Variants in ROBO2 observed in about 807,000 individuals in gnomAD.
The protein encoded by ROBO2 is roundabout guidance receptor 2, also known as roundabout homolog 2.
Under a neutral mutation model 160.8 loss-of-function variants are expected in ROBO2, and 53 were observed. The ratio of observed to expected loss-of-function variants is 0.33; its 90% CI spans 0.26 to 0.41. The LOEUF is 0.41. ROBO2 is among the 10% of genes least tolerant of loss of function. The pLI, the probability that ROBO2 is intolerant of heterozygous loss-of-function variation, is 1.00. For missense variants in ROBO2, 1,577 were observed against 1,722.4 expected, an observed-to-expected ratio of 0.92 and a Z score of 1.49; for synonymous variants, 664 against 611.7, an observed-to-expected ratio of 1.09 and a Z score of -1.26.
At chr3:76,040,541 A>G (rs1031954237) in intron 2 of ROBO2, among the ~76,000 whole-genome samples, 1 of 152,096 alleles carries the variant, frequency 6.6e-6, no homozygotes, top group Non-Finnish European at 1.5e-5. Flanking sequence ...TCTACAAACA[A>G]AATTTCCCTG....
intron 2 of ROBO2, among the ~76,000 whole-genome samples, chr3:77,249,358 T>C (rs1311471393): frequency 6.6e-6 from 1 of 152,202 alleles, no homozygotes; most frequent in Admixed American, 6.5e-5. Flanking sequence ...AGATAAATAA[T>C]CAAATATTCA....
At chr3:76,561,849 C>G (rs1274900028) in intron 2 of ROBO2, among the ~76,000 whole-genome samples, 1 of 152,174 alleles carries the variant, frequency 6.6e-6, no homozygotes, top group Admixed American at 6.6e-5. Context: ...TTTCTCCGTG[C>G]TATTCATCCA....
chr3:76,588,468 T>C (rs2086201430), intron 2 of ROBO2, among the ~76,000 whole-genome samples: 1 of 152,218 alleles, frequency 6.6e-6, no homozygotes, highest in East Asian at 1.9e-4. Flanking sequence ...TAGCTGATTA[T>C]ATATTTATTT....
intron 14 of ROBO2, among the ~76,000 whole-genome samples, chr3:77,574,985 T>C (rs75081635): frequency 0.027 from 4,089 of 152,254 alleles, 125 homozygotes; most frequent in East Asian, 0.13. Context: ...ATTGGATTAT[T>C]AAATATTCCC....
chr3:76,750,817 C>T (rs1158590396), intron 2 of ROBO2, among the ~76,000 whole-genome samples: 3 of 152,106 alleles, frequency 2.0e-5, no homozygotes, highest in South Asian at 2.1e-4. Context: ...AATGGAAGAA[C>T]ATTCCATGCT....
chr3:77,071,612 C>T (rs1023591485), intron 1 of ROBO2, among the ~76,000 whole-genome samples: 6 of 152,118 alleles, frequency 3.9e-5, no homozygotes, highest in African/African-American at 9.7e-5. Context: ...CTGAGGGTCA[C>T]GGAGCCTGTT....
At chr3:76,402,888 G>A (rs1161378237) in intron 2 of ROBO2, among the ~76,000 whole-genome samples, 1 of 151,424 alleles carries the variant, frequency 6.6e-6, no homozygotes, top group African/African-American at 2.4e-5. Context: ...TCATCTCAAG[G>A]TCCTCAAATT....
intron 2 of ROBO2, among the ~76,000 whole-genome samples, chr3:76,580,360 T>G (rs1578294602): frequency 6.8e-6 from 1 of 147,624 alleles, no homozygotes; most frequent in Non-Finnish European, 1.5e-5. Context: ...TTTTGTTTTT[T>G]TTTTTGGTTT....
chr3:76,777,541 A>G (rs1435285825), intron 2 of ROBO2, among the ~76,000 whole-genome samples: 1 of 151,072 alleles, frequency 6.6e-6, no homozygotes, highest in Non-Finnish European at 1.5e-5. Context: ...CATAAAACAA[A>G]ATGTTTTTTC....
At chr3:77,510,661 G>A (rs1385969396) in intron 5 of ROBO2, among the ~76,000 whole-genome samples, 1 of 151,988 alleles carries the variant, frequency 6.6e-6, no homozygotes, top group Non-Finnish European at 1.5e-5. Context: ...TGTGAGATAG[G>A]GCCTGTTAAT....
intron 2 of ROBO2, among the ~76,000 whole-genome samples, chr3:76,707,950 A>C (rs2093205525): frequency 6.6e-6 from 1 of 152,086 alleles, no homozygotes; most frequent in Admixed American, 6.6e-5. Context: ...TACAGCTGCT[A>C]TCATCCCCTC....
intron 2 of ROBO2, among the ~76,000 whole-genome samples, chr3:76,096,536 T>TTTTTATGTA (rs2069460298): frequency 6.6e-6 from 1 of 152,216 alleles, no homozygotes; most frequent in African/African-American, 2.4e-5. Flanking sequence ...AGTGTTTATT[T>TTTTTATGTA]TTTTATGTAT....
chr3:77,386,804 G>C (rs1581550443), intron 2 of ROBO2, among the ~76,000 whole-genome samples: 1 of 151,258 alleles, frequency 6.6e-6, no homozygotes, highest in Admixed American at 6.6e-5. Context: ...GGTTTCACCA[G>C]GTTGGCCAGG....
intron 2 of ROBO2, among the ~76,000 whole-genome samples, chr3:77,476,439 C>T (rs1295382766): frequency 3.3e-5 from 5 of 151,452 alleles, no homozygotes; most frequent in Non-Finnish European, 7.4e-5. Flanking sequence ...ACTTTGGAAC[C>T]AAACATGTCG....
Position 77,572,636 on chromosome 3 carries a change from A to AACACACAC in ROBO2, c.1972-1838_1972-1831dup, listed in dbSNP as rs71104692. 3.4e-3 allele frequency among the ~76,000 whole-genome samples: 503 copies of AACACACAC among 146,392 alleles called. 3 individuals carry two copies. The highest frequency in any genetic ancestry group is 4.3e-3 in the Non-Finnish European group (283 of 66,238). Reference sequence around the variant, plus strand: ...GAAACTGGAATTAGCCGTACATAGAAACACACACACACACACACACACACA... The same window carrying AACACACAC: ...GAAACTGGAATTAGCCGTACATAGAAACACACACACACACACACACACACACACACACA... On this transcript the variant is annotated intron_variant, in intron 13 of 25. Coordinates refer to ENST00000461745, the Ensembl canonical transcript of ROBO2.
intron 22 of ROBO2, among the ~76,000 whole-genome samples, chr3:77,619,773 ATCCACAGGACAT>A (rs2094861662): frequency 6.6e-6 from 1 of 152,166 alleles, no homozygotes; most frequent in Non-Finnish European, 1.5e-5. Flanking sequence ...AGAGACTTTT[ATCCACAGGACAT>A]TCTAAGGGCT....
At chr3:76,135,377 A>G (rs1189037708) in intron 2 of ROBO2, among the ~76,000 whole-genome samples, 1 of 152,168 alleles carries the variant, frequency 6.6e-6, no homozygotes, top group Non-Finnish European at 1.5e-5. Flanking sequence ...GCCACTATGC[A>G]ATGCCCTCTC....
chr3:77,494,770 AC>A (rs2153601736), intron 5 of ROBO2, among the ~76,000 whole-genome samples: 1 of 152,344 alleles, frequency 6.6e-6, no homozygotes, highest in Non-Finnish European at 1.5e-5. Flanking sequence ...TGGATACTTT[AC>A]TTCAAAAGGC....
intron 2 of ROBO2, among the ~76,000 whole-genome samples, chr3:76,229,049 T>C (rs1172666057): frequency 6.6e-6 from 1 of 152,158 alleles, no homozygotes; most frequent in Non-Finnish European, 1.5e-5. Flanking sequence ...ATAAGATATC[T>C]TAAATAAAAT....
Sources: allele counts gnomAD v4.1 joint callset (sites outside exome capture counted in the v4.1 genomes callset), GRCh38; gene constraint gnomAD v4.1.1; transcripts MANE v1.5; gene names NCBI Gene and HGNC (gene_info 2026-07-23, HGNC 2026-07-21).